ST3GAL3: variants seen among roughly 807,000 people sequenced by gnomAD.
The protein encoded by ST3GAL3 is CMP-N-acetylneuraminate-beta-1,4-galactoside alpha-2,3-sialyltransferase.
ST3GAL3 carries 21 observed loss-of-function variants against 50.1 expected under a neutral mutation model. That is an observed-to-expected ratio of 0.42 (90% confidence interval 0.30 to 0.60). The LOEUF (loss-of-function observed/expected upper bound fraction) is 0.60. ST3GAL3 is among the 20% of genes least tolerant of loss of function. The pLI is 0.19. For missense variants in ST3GAL3, 353 were observed against 489.4 expected (o/e 0.72, Z 2.63); for synonymous variants, 183 against 190.0 (o/e 0.96, Z 0.30).
intron 5 of ST3GAL3, among the ~76,000 whole-genome samples, chr1:43,886,058 A>G (rs1018095060): frequency 6.6e-6 from 1 of 152,248 alleles, no homozygotes; most frequent in Non-Finnish European, 1.5e-5. Context: ...AGCTAGAAGG[A>G]AGATATTGAA....
chr1:43,911,523 A>C (rs1176009846), intron 9 of ST3GAL3, among the ~76,000 whole-genome samples: 1 of 151,882 alleles, frequency 6.6e-6, no homozygotes, highest in Non-Finnish European at 1.5e-5. Flanking sequence ...ATAGATATAG[A>C]TATCTATAGA....
At chr1:43,765,759 G>GTC (rs1692380796) in intron 2 of ST3GAL3, among the ~76,000 whole-genome samples, 1 of 104,698 alleles carries the variant, frequency 9.6e-6, no homozygotes, top group Non-Finnish European at 1.9e-5. Flanking sequence ...GTGTCTGTGT[G>GTC]TGTGTGTGTG....
At chr1:43,913,538 G>C (rs2081291611) in intron 9 of ST3GAL3, 1 of 152,162 alleles carries the variant, frequency 6.6e-6, no homozygotes, top group Non-Finnish European at 1.5e-5. Flanking sequence ...CTGAGAAGAG[G>C]AGTTACAGCT....
chr1:43,831,038 C>G (rs1437915354), intron 4 of ST3GAL3, among the ~76,000 whole-genome samples: 1 of 152,210 alleles, frequency 6.6e-6, no homozygotes, highest in Non-Finnish European at 1.5e-5. Flanking sequence ...ATTCACTGAT[C>G]TTCCCATCAG....
Position 43,930,616 on chromosome 1 carries a change from G to T in ST3GAL3, c.*395G>T, listed in dbSNP as rs985249434. 1.5e-5 allele frequency: 5 copies of T among 339,456 alleles called. No homozygotes were observed. Among genetic ancestry groups the T allele is most frequent in the Non-Finnish European group, 2.9e-5 (5 of 173,828 alleles). The allele number at this position is 339,456 out of a possible 1,614,324, so 21.0% of individuals were successfully genotyped here. On this transcript the variant is annotated 3_prime_UTR_variant, in exon 12 of 12. Coordinates refer to ENST00000347631, the MANE Select transcript of ST3GAL3 (RefSeq NM_006279.5). Reference sequence around the variant, plus strand: ...AAATAAGGTTGGAGATGTCAAGTTGGGTTCACTTGCCATGCAGGAAGAGGC... The same window carrying T: ...AAATAAGGTTGGAGATGTCAAGTTGTGTTCACTTGCCATGCAGGAAGAGGC...
rs775153049 is a variant in ST3GAL3, at chr1:43,759,063, G to GCACACA, written c.118+22684_118+22685insACACAC. ...TCTCCTAAAAAACAAACAAAAGCGC[G>GCACACA]CGCACACACACACACACACACACAC... On this transcript the variant is annotated intron_variant, in intron 2 of 11. Transcript: ENST00000347631. Among the ~76,000 whole-genome samples the GCACACA allele has an allele frequency of 2.2e-3, 294 of 132,416 alleles. 6 individuals are homozygous for GCACACA. The highest frequency in any genetic ancestry group is 9.4e-3 in the African/African-American group (287 of 30,672). The allele number at this position is 132,416 out of a possible 152,430, so 86.9% of individuals were successfully genotyped here.
Position 43,745,326 on chromosome 1 carries a change from T to A in ST3GAL3, c.118+8946T>A, listed in dbSNP as rs145950045. Among the ~76,000 whole-genome samples, 497 of 152,310 alleles carry A rather than the reference T, an allele frequency of 3.3e-3. 1 individual carries two copies. The highest frequency in any genetic ancestry group is 0.011 in the African/African-American group (453 of 41,566). ...AATGTAATTTTACTGTACAAGGTTA[T>A]ATTTGTGAAAAAAGAAGTAAGTGGG... On this transcript the variant is annotated intron_variant, in intron 2 of 11. Transcript: ENST00000347631.
chr1:43,898,308 A>G lies in ST3GAL3; in HGVS notation c.461+10A>G. The G allele has an allele frequency of 6.2e-7, 1 of 1,613,164 alleles. No individual in the cohort carries two copies. The highest frequency in any genetic ancestry group is 1.3e-5 in the African/African-American group (1 of 75,068). ...CCCCTGCCTTGGACAGGTGAGCCAC[A>G]CACTGTGCAGCCTCCTACCCACCGC... On this transcript the variant is annotated intron_variant, in intron 7 of 11. Coordinates refer to ENST00000347631, the MANE Select transcript of ST3GAL3 (RefSeq NM_006279.5).
At chr1:43,711,670 A>G (rs1417105160) in intron 1 of ST3GAL3, among the ~76,000 whole-genome samples, 1 of 152,220 alleles carries the variant, frequency 6.6e-6, no homozygotes, top group Non-Finnish European at 1.5e-5. Flanking sequence ...GCACTTGTAA[A>G]TGCTCACAGG....
intron 3 of ST3GAL3, among the ~76,000 whole-genome samples, chr1:43,810,893 C>T (rs1439596968): frequency 6.6e-6 from 1 of 151,662 alleles, no homozygotes; most frequent in Non-Finnish European, 1.5e-5. Flanking sequence ...CGATGGCCTC[C>T]CTCTATTCCA....
At chr1:43,824,512 T>C (rs2062525933) in intron 4 of ST3GAL3, among the ~76,000 whole-genome samples, 1 of 151,046 alleles carries the variant, frequency 6.6e-6, no homozygotes, top group Non-Finnish European at 1.5e-5. Flanking sequence ...TCCAGAGGAG[T>C]AGTCTGGTTT....
chr1:43,803,693 A>G (rs570215503), intron 3 of ST3GAL3, among the ~76,000 whole-genome samples: 2 of 152,350 alleles, frequency 1.3e-5, no homozygotes, highest in South Asian at 2.1e-4. Flanking sequence ...AACAAGTTAT[A>G]TGAATCTTTT....
chr1:43,838,322 C>G lies in ST3GAL3; in HGVS notation c.302+11C>G, dbSNP rs757882406. On this transcript the variant is annotated intron_variant, in intron 5 of 11. Transcript: ENST00000347631. ...GGCCATCTTCCCCCGGTAAGTGCTC[C>G]TGTTTCCCTCCACTGCCTAGACAGC... 6.2e-7 allele frequency: 1 copy of G among 1,612,336 alleles called. No individual in the cohort carries two copies. The highest frequency in any genetic ancestry group is 1.1e-5 in the South Asian group (1 of 91,058).
intron 4 of ST3GAL3, among the ~76,000 whole-genome samples, chr1:43,819,792 G>T (rs1299842736): frequency 6.6e-6 from 1 of 152,142 alleles, no homozygotes; most frequent in Non-Finnish European, 1.5e-5. Flanking sequence ...CCCTCTAGTA[G>T]TACCCAGTAT....
intron 5 of ST3GAL3, chr1:43,851,032 A>T: frequency 1.2e-6 from 1 of 845,620 alleles, no homozygotes; most frequent in Non-Finnish European, 2.1e-6. Context: ...GCCAGCTGCC[A>T]CCAGCCTGCT....
At chr1:43,801,531 C>G in intron 3 of ST3GAL3, 1 of 362,892 alleles carries the variant, frequency 2.8e-6, no homozygotes, top group Non-Finnish European at 5.5e-6. Context: ...CTCCCAACTG[C>G]ACGTCAGAAT....
At chr1:43,798,419 T>G (rs1021315207) in intron 3 of ST3GAL3, among the ~76,000 whole-genome samples, 1 of 152,178 alleles carries the variant, frequency 6.6e-6, no homozygotes, top group African/African-American at 2.4e-5. Flanking sequence ...GAGTCCTACT[T>G]AACCTCTCCA....
intron 2 of ST3GAL3, chr1:43,738,200 A>G (rs1679289031): frequency 6.6e-6 from 1 of 152,318 alleles, no homozygotes; most frequent in Admixed American, 6.5e-5. Context: ...GAAAGTTATC[A>G]AAAGAAGACA....
intron 5 of ST3GAL3, among the ~76,000 whole-genome samples, chr1:43,873,651 G>A (rs2073476738): frequency 6.6e-6 from 1 of 152,080 alleles, no homozygotes; most frequent in Non-Finnish European, 1.5e-5. Flanking sequence ...TGGGTGTGGT[G>A]GTGCGTGCCT....
Sources: allele counts gnomAD v4.1 joint callset (sites outside exome capture counted in the v4.1 genomes callset), GRCh38; gene constraint gnomAD v4.1.1; transcripts MANE v1.5; gene names NCBI Gene and HGNC (gene_info 2026-07-23, HGNC 2026-07-21).